Variants in CNTN5 observed in about 807,000 individuals in gnomAD.
The protein encoded by CNTN5 is contactin-5.
In CNTN5, 77 loss-of-function variants were observed where a neutral mutation model predicts 129.1. The ratio of observed to expected loss-of-function variants is 0.60; its 90% CI spans 0.50 to 0.72. The LOEUF is 0.72. Ranked by LOEUF, CNTN5 falls within the 30% of genes least tolerant of loss-of-function variation. The probability of loss-of-function intolerance (pLI) is 0.00; values close to 1 mark genes in which losing one functional copy is unlikely to be tolerated. For missense variants in CNTN5, 1,478 were observed against 1,328.8 expected (o/e 1.11, Z -1.75); for synonymous variants, 509 against 465.6 (o/e 1.09, Z -1.20).
chr11:99,893,276 C>T (rs1472210194), intron 6 of CNTN5, among the ~76,000 whole-genome samples: 1 of 152,054 alleles, frequency 6.6e-6, no homozygotes, highest in Non-Finnish European at 1.5e-5. Context: ...TCTTATAACA[C>T]CCTAAAAAAG....
intron 13 of CNTN5, among the ~76,000 whole-genome samples, chr11:100,088,561 A>G (rs1008009033): frequency 6.6e-6 from 1 of 152,080 alleles, no homozygotes; most frequent in Non-Finnish European, 1.5e-5. Flanking sequence ...TCACATTACA[A>G]CCAATCCCAC....
intron 16 of CNTN5, among the ~76,000 whole-genome samples, chr11:100,228,733 G>A (rs1184389797): frequency 6.6e-6 from 1 of 152,170 alleles, no homozygotes; most frequent in Admixed American, 6.5e-5. Flanking sequence ...GGAAGCTGAG[G>A]TCTCAGCCCT....
rs1242522061 is a variant in CNTN5, at chr11:99,092,775, G to A, written c.-210+71505G>A. The stretch of plus-strand genomic sequence containing the variant: ...GGAGCCATTTTTGTTATAGATGTGT[G>A]TTTGTATTCAGGTGCAGAAAATATA... On this transcript the variant is annotated intron_variant, in intron 1 of 24. Transcript: ENST00000524871. 2.6e-5 allele frequency among the ~76,000 whole-genome samples: 4 copies of A among 152,080 alleles called. No individual in the cohort carries two copies. In the East Asian group the frequency reaches 7.7e-4, roughly 29 times the overall value.
intron 6 of CNTN5, among the ~76,000 whole-genome samples, chr11:99,856,090 A>C (rs1487205728): frequency 6.6e-6 from 1 of 152,158 alleles, no homozygotes; most frequent in Non-Finnish European, 1.5e-5. Context: ...CTAATTACCT[A>C]CGTGTTGTGC....
intron 2 of CNTN5, among the ~76,000 whole-genome samples, chr11:99,499,488 C>G (rs1171732318): frequency 1.3e-5 from 2 of 152,134 alleles, no homozygotes; most frequent in African/African-American, 4.8e-5. Flanking sequence ...GACAACTGAA[C>G]CTGCTGGTGC....
chr11:99,916,164 C>T lies in CNTN5; in HGVS notation c.673+15C>T, dbSNP rs1459790300. On this transcript the variant is annotated intron_variant, in intron 7 of 24. Transcript: ENST00000524871. ...ACATTCACCAGGTACAGTAGGATCT[C>T]ATTCTTTGCTGCTGCTGCTGCTCTC... 3.1e-6 allele frequency: 5 copies of T among 1,593,234 alleles called. No individual in the cohort carries two copies. The highest frequency in any genetic ancestry group is 4.3e-6 in the Non-Finnish European group (5 of 1,163,450).
At chr11:99,255,085 A>G (rs1031749906) in intron 1 of CNTN5, among the ~76,000 whole-genome samples, 2 of 151,970 alleles carry the variant, frequency 1.3e-5, no homozygotes, top group Non-Finnish European at 2.9e-5. Flanking sequence ...TCAAGAAACT[A>G]TTTCTATTAT....
intron 7 of CNTN5, among the ~76,000 whole-genome samples, chr11:99,953,642 T>C (rs1206666850): frequency 7.1e-4 from 1 of 1,406 alleles, no homozygotes; most frequent in African/African-American, 8.0e-4. Context: ...TGAATGATCA[T>C]GCCAAGGGCA....
intron 3 of CNTN5, among the ~76,000 whole-genome samples, chr11:99,729,924 G>A (rs1943474964): frequency 6.6e-6 from 1 of 152,136 alleles, no homozygotes; most frequent in South Asian, 2.1e-4. Flanking sequence ...GAGAGGGAGA[G>A]CATTAGGAAA....
intron 2 of CNTN5, among the ~76,000 whole-genome samples, chr11:99,469,451 G>A (rs1200620870): frequency 6.6e-6 from 1 of 151,908 alleles, no homozygotes; most frequent in Admixed American, 6.6e-5. Flanking sequence ...ATTATTCATG[G>A]TTCTCTTTCT....
chr11:99,984,968 G>C (rs78676968), intron 8 of CNTN5, among the ~76,000 whole-genome samples: 10,701 of 152,254 alleles, frequency 0.07, 780 homozygotes, highest in East Asian at 0.31. Flanking sequence ...CACTGCTCCA[G>C]GTGCTGGCAG....
intron 3 of CNTN5, among the ~76,000 whole-genome samples, chr11:99,704,948 T>C (rs1369212873): frequency 6.6e-6 from 1 of 151,298 alleles, no homozygotes; most frequent in Admixed American, 6.6e-5. Context: ...GGCATTCCAA[T>C]AATTATTTCC....
chr11:99,177,749 T>C (rs947669054), intron 1 of CNTN5, among the ~76,000 whole-genome samples: 1 of 152,142 alleles, frequency 6.6e-6, no homozygotes, highest in Admixed American at 6.5e-5. Flanking sequence ...AGTGGCCAAG[T>C]TGTCACAGTC....
intron 1 of CNTN5, among the ~76,000 whole-genome samples, chr11:99,311,132 T>C (rs1327553245): frequency 6.6e-6 from 1 of 152,076 alleles, no homozygotes; most frequent in East Asian, 1.9e-4. Flanking sequence ...TTTCACCATA[T>C]TGGCCAGGCT....
At chr11:99,545,564 A>G (rs1252511978) in intron 2 of CNTN5, among the ~76,000 whole-genome samples, 3 of 152,192 alleles carry the variant, frequency 2.0e-5, no homozygotes, top group Non-Finnish European at 2.9e-5. Context: ...AATCTTATTC[A>G]TATCACGTTA....
chr11:100,105,975 A>G (rs1276719231), intron 13 of CNTN5, among the ~76,000 whole-genome samples: 2 of 152,194 alleles, frequency 1.3e-5, no homozygotes, highest in Non-Finnish European at 2.9e-5. Context: ...CTAACAAAGT[A>G]TACTTTTTAA....
intron 16 of CNTN5, chr11:100,225,028 CAA>C (rs1949342583): frequency 5.2e-6 from 2 of 383,584 alleles, no homozygotes; most frequent in African/African-American, 4.0e-5. Context: ...CTTCAGAGTC[CAA>C]AACACCTTTA....
intron 13 of CNTN5, among the ~76,000 whole-genome samples, chr11:100,163,339 T>G (rs2138372793): frequency 6.6e-6 from 1 of 151,884 alleles, no homozygotes; most frequent in East Asian, 1.9e-4. Context: ...TTCTGTTTTG[T>G]TTTACATTAT....
intron 3 of CNTN5, among the ~76,000 whole-genome samples, chr11:99,676,030 G>A (rs1953267318): frequency 6.6e-6 from 1 of 152,162 alleles, no homozygotes; most frequent in Non-Finnish European, 1.5e-5. Context: ...TGCCACTCTT[G>A]TCTCATTTCT....
Sources: allele counts gnomAD v4.1 joint callset (sites outside exome capture counted in the v4.1 genomes callset), GRCh38; gene constraint gnomAD v4.1.1; transcripts MANE v1.5; gene names NCBI Gene and HGNC (gene_info 2026-07-23, HGNC 2026-07-21).